TNFRSF21: variants seen among roughly 807,000 people sequenced by gnomAD.
TNFRSF21 encodes the protein TNF receptor superfamily member 21.
TNFRSF21 carries 19 observed loss-of-function variants against 45.6 expected under a neutral mutation model. That is an observed-to-expected ratio of 0.42 (90% CI 0.29 to 0.61). TNFRSF21 has a LOEUF of 0.61. Among genes scored for constraint, TNFRSF21 ranks in the 20% least tolerant of loss-of-function variants. The pLI is 0.23. For synonymous variants in TNFRSF21, 314 were observed against 335.5 expected (o/e 0.94, Z 0.70); for missense variants, 737 against 851.5 (o/e 0.87, Z 1.67).
rs531918056 is a variant in TNFRSF21 at position 47,308,167 on chromosome 6, A to G, written c.96+1249T>C. Among the ~76,000 whole-genome samples, 18 of 152,362 alleles carry G rather than the reference A, an allele frequency of 1.2e-4. No homozygotes were observed. The South Asian group carries it at 3.7e-3, about 32-fold the overall frequency. ...CCTCATTATAAATGCTAACAGTAAC[A>G]AACTTTTATTTAGTCTCTCTCTTCC... On this transcript the variant is annotated intron_variant, in intron 1 of 5. Coordinates refer to ENST00000296861, the MANE Select transcript of TNFRSF21 (RefSeq NM_014452.5).
chr6:47,268,856 T>C (rs1762372973), intron 3 of TNFRSF21, among the ~76,000 whole-genome samples: 1 of 152,202 alleles, frequency 6.6e-6, no homozygotes. Flanking sequence ...TTCATTCCTT[T>C]GCTTCCCCAA....
At chr6:47,305,695 G>C (rs1479246564) in intron 1 of TNFRSF21, among the ~76,000 whole-genome samples, 1 of 152,184 alleles carries the variant, frequency 6.6e-6, no homozygotes, top group East Asian at 1.9e-4. Context: ...GCACTTTCTA[G>C]GCAAACGCAC....
chr6:47,287,706 C>G (rs1225899503), intron 1 of TNFRSF21, among the ~76,000 whole-genome samples: 2 of 152,014 alleles, frequency 1.3e-5, no homozygotes, highest in Admixed American at 1.3e-4. Flanking sequence ...TAAAGGACTC[C>G]TAGAAAATCA....
chr6:47,298,698 C>G (rs1762822432), intron 1 of TNFRSF21, among the ~76,000 whole-genome samples: 1 of 152,212 alleles, frequency 6.6e-6, no homozygotes, highest in Non-Finnish European at 1.5e-5. Flanking sequence ...TCTCACCATT[C>G]AAACACAGAA....
intron 4 of TNFRSF21, among the ~76,000 whole-genome samples, chr6:47,251,378 T>C (rs916180751): frequency 6.6e-6 from 1 of 152,166 alleles, no homozygotes; most frequent in Non-Finnish European, 1.5e-5. Flanking sequence ...AAATAGCTAC[T>C]ATTAGAATCT....
chr6:47,247,906 T>G lies in TNFRSF21; in HGVS notation c.1509+5350A>C, dbSNP rs564201047. On this transcript the variant is annotated intron_variant, in intron 4 of 5. Transcript: ENST00000296861. Reference sequence around the variant, plus strand: ...ATCAACAACAACCACCACAAAACATTGGCGGTGGGTCCACTGGTTGTGAAA... The same window carrying G: ...ATCAACAACAACCACCACAAAACATGGGCGGTGGGTCCACTGGTTGTGAAA... Among the ~76,000 whole-genome samples the G allele has an allele frequency of 3.8e-3, 571 of 152,244 alleles. 1 individual carries two copies. Among genetic ancestry groups the G allele is most frequent in the African/African-American group, 0.013 (552 of 41,558 alleles).
At chr6:47,289,669 G>T (rs1418157597) in intron 1 of TNFRSF21, among the ~76,000 whole-genome samples, 1 of 152,070 alleles carries the variant, frequency 6.6e-6, no homozygotes, top group East Asian at 1.9e-4. Context: ...CTGGATAAAA[G>T]GACCCATCCT....
intron 3 of TNFRSF21, among the ~76,000 whole-genome samples, chr6:47,274,601 C>G (rs1169923022): frequency 6.6e-6 from 1 of 152,110 alleles, no homozygotes; most frequent in African/African-American, 2.4e-5. Flanking sequence ...GACTAAAACA[C>G]CAAAAGCAAT....
At chr6:47,257,126 C>G (rs189656704) in intron 3 of TNFRSF21, among the ~76,000 whole-genome samples, 92 of 152,104 alleles carry the variant, frequency 6.0e-4, no homozygotes, top group Admixed American at 8.5e-4. Context: ...ACGGCCTTTA[C>G]GAAGTAATTA....
chr6:47,284,392 T>C lies in TNFRSF21; in HGVS notation c.789A>G (p.Arg263=), dbSNP rs1349856889. The C allele has an allele frequency of 9.8e-6, 15 of 1,529,198 alleles. No individual in the cohort carries two copies. The highest frequency in any genetic ancestry group is 1.8e-4 in the Middle Eastern group (1 of 5,632). The allele number at this position is 1,529,198 out of a possible 1,614,324, so 94.7% of individuals were successfully genotyped here. ...CCTGGATGCTACTCAGTACCTTTGG[T>C]CTAACAGAGGCAGAAGAGTTGGATT... ...STESNSSASV[R]PKVLSSIQEG... Residue 263 remains arginine (R), a synonymous_variant, in exon 3 of 6, where the codon AGA becomes AGG. Coordinates refer to ENST00000296861, the MANE Select transcript of TNFRSF21 (RefSeq NM_014452.5).
chr6:47,269,797 T>G (rs1212813699), intron 3 of TNFRSF21, among the ~76,000 whole-genome samples: 4 of 152,222 alleles, frequency 2.6e-5, no homozygotes, highest in South Asian at 2.1e-4. Flanking sequence ...GTGGTTGTCA[T>G]GGCTAAAGAT....
At chr6:47,234,342 T>C (rs1764630509) in intron 5 of TNFRSF21, among the ~76,000 whole-genome samples, 1 of 152,116 alleles carries the variant, frequency 6.6e-6, no homozygotes, top group South Asian at 2.1e-4. Flanking sequence ...GCAAGCTTGG[T>C]AAATAATTTT....
At chr6:47,246,316 C>G (rs1019051153) in intron 4 of TNFRSF21, among the ~76,000 whole-genome samples, 1 of 152,216 alleles carries the variant, frequency 6.6e-6, no homozygotes, top group Non-Finnish European at 1.5e-5. Flanking sequence ...AATTCCAACA[C>G]AGAAAATAGT....
chr6:47,263,185 GC>G (rs1307775358), intron 3 of TNFRSF21, among the ~76,000 whole-genome samples: 1 of 152,170 alleles, frequency 6.6e-6, no homozygotes, highest in Non-Finnish European at 1.5e-5. Context: ...AATCAAGGAT[GC>G]TAAGGTTTCA....
intron 4 of TNFRSF21, among the ~76,000 whole-genome samples, chr6:47,243,414 A>G (rs1184200760): frequency 6.6e-6 from 1 of 151,994 alleles, no homozygotes; most frequent in East Asian, 1.9e-4. Flanking sequence ...ATGGTGGCAC[A>G]ATGTACATAC....
At chr6:47,261,100 C>CAAACCTCCA (rs1554150582) in intron 3 of TNFRSF21, among the ~76,000 whole-genome samples, 2 of 151,880 alleles carry the variant, frequency 1.3e-5, no homozygotes, top group Non-Finnish European at 2.9e-5. Flanking sequence ...AACACCCCCC[C>CAAACCTCCA]AAACCTCCCT....
rs948282691 is a variant in TNFRSF21, at chr6:47,309,689, G to A, written c.-178C>T. The A allele has an allele frequency of 1.1e-6, 1 of 936,368 alleles. No individual in the cohort carries two copies. The highest frequency in any genetic ancestry group is 1.7e-5 in the African/African-American group (1 of 57,548). 58.0% of individuals were successfully genotyped at this position (936,368 alleles called of 1,614,324 possible). ...GAGGGAGGCGGCAAGGGAGGCTCTA[G>A]GGGCGCTCAGCACCTGCCCAGCGGC... On this transcript the variant is annotated 5_prime_UTR_variant, in exon 1 of 6. Coordinates refer to ENST00000296861, the MANE Select transcript of TNFRSF21 (RefSeq NM_014452.5).
intron 3 of TNFRSF21, among the ~76,000 whole-genome samples, chr6:47,261,182 G>A (rs1406024333): frequency 6.6e-6 from 1 of 152,138 alleles, no homozygotes; most frequent in Non-Finnish European, 1.5e-5. Context: ...GACAGAGATG[G>A]CCACAGCACA....
At chr6:47,283,916 G>C in intron 3 of TNFRSF21, 22 bp downstream of exon 3, 1 of 1,601,398 alleles carries the variant, frequency 6.2e-7, no homozygotes, top group South Asian at 1.1e-5. Flanking sequence ...CTGTGAGCAA[G>C]GAGAGAAGAG....
Sources: allele counts gnomAD v4.1 joint callset (sites outside exome capture counted in the v4.1 genomes callset), GRCh38; gene constraint gnomAD v4.1.1; transcripts MANE v1.5; gene names NCBI Gene and HGNC (gene_info 2026-07-23, HGNC 2026-07-21).